RIN2: variants seen among roughly 807,000 people sequenced by gnomAD.
RIN2 encodes the protein RAB5 interacting protein 2.
In RIN2, 36 loss-of-function variants were observed where a neutral mutation model predicts 78.0. The ratio of observed to expected loss-of-function variants is 0.46; its 90% CI spans 0.35 to 0.61. The LOEUF is 0.61. RIN2 is among the 20% of genes least tolerant of loss of function. The probability of loss-of-function intolerance (pLI) is 0.00; values close to 1 mark genes in which losing one functional copy is unlikely to be tolerated. For missense variants in RIN2, 1,087 were observed against 1,159.7 expected (o/e 0.94, Z 0.91); for synonymous variants, 466 against 466.8 (o/e 1.00, Z 0.02).
intron 2 of RIN2, among the ~76,000 whole-genome samples, chr20:19,844,694 CTTCCTCTTCTTCTTCTTCTTCTTCTT>C (rs1318462155): frequency 1.1e-4 from 1 of 9,238 alleles, no homozygotes; most frequent in East Asian, 7.6e-3. Flanking sequence ...TCCTCTTCCT[CTTCCTCTTCTTCTTCTTCTTCTTCTT>C]CTTCTTCTTC....
intron 2 of RIN2, among the ~76,000 whole-genome samples, chr20:19,845,287 T>C (rs1600600343): frequency 2.0e-5 from 3 of 151,868 alleles, no homozygotes; most frequent in African/African-American, 7.2e-5. Flanking sequence ...TTTCTAGTTC[T>C]AGATCCTTGA....
chr20:19,958,804 G>T lies in RIN2; in HGVS notation c.352-1896G>T, dbSNP rs183368234. Among the ~76,000 whole-genome samples the T allele has an allele frequency of 2.2e-3, 338 of 152,338 alleles. 2 individuals carry two copies. The highest frequency in any genetic ancestry group is 6.9e-3 in the Admixed American group (105 of 15,302). On this transcript the variant is annotated intron_variant, in intron 5 of 12. Coordinates refer to ENST00000255006, the MANE Select transcript of RIN2 (RefSeq NM_018993.4). ...GAATTGCTTGAACCCAGGAGGTGGA[G>T]GTTGCAGTGAGCTGAGATTGCACCA... is the stretch of plus-strand genomic sequence containing the variant.
intron 4 of RIN2, among the ~76,000 whole-genome samples, chr20:19,944,093 C>G (rs16981353): frequency 0.039 from 5,529 of 141,982 alleles, 177 homozygotes; most frequent in South Asian, 0.17. Flanking sequence ...ATATCAACTT[C>G]TATGTATTTT....
chr20:19,945,615 G>T (rs1478807136), intron 4 of RIN2, among the ~76,000 whole-genome samples: 1 of 152,118 alleles, frequency 6.6e-6, no homozygotes, highest in Non-Finnish European at 1.5e-5. Flanking sequence ...TCTGGTATTG[G>T]TGGGCATAGA....
At chr20:19,853,391 T>C (rs990885348) in intron 2 of RIN2, among the ~76,000 whole-genome samples, 7 of 152,290 alleles carry the variant, frequency 4.6e-5, no homozygotes, top group South Asian at 4.1e-4. Context: ...CCTTTGGGTA[T>C]ATACCCAGTA....
At chr20:19,955,721 T>A (rs2041504602) in intron 4 of RIN2, among the ~76,000 whole-genome samples, 1 of 152,214 alleles carries the variant, frequency 6.6e-6, no homozygotes, top group African/African-American at 2.4e-5. Flanking sequence ...GACATGATTT[T>A]ACGAATAGCA....
rs552155421 is a variant in RIN2 at position 19,975,342 on chromosome 20, C to T, written c.1317C>T (p.Ser439=). ...ACATGAGCATTTCTACTTCCTCCTC[C>T]GACTCGCTGGAGTTCGACCGGAGCA... ...LSDMSISTSS[S]DSLEFDRSMP... Residue 439 remains serine, a synonymous_variant, in exon 9 of 13, where the codon TCC becomes TCT. Transcript: ENST00000255006. This position sits in a 1 kb window ranked among gnomAD's most constrained non-coding sequence, Gnocchi z 4.9. 78 of 1,612,662 alleles carry T rather than the reference C, an allele frequency of 4.8e-5. 1 individual carries two copies. In the South Asian group the frequency reaches 8.0e-4, roughly 17 times the overall value.
chr20:19,943,367 T>A (rs560232652), intron 4 of RIN2, among the ~76,000 whole-genome samples: 1 of 152,294 alleles, frequency 6.6e-6, no homozygotes, highest in Admixed American at 6.5e-5. Context: ...CATTTCTGTG[T>A]CCTCTTCTGC....
chr20:19,924,713 CCTCTTTTTTTTTTTTT>C (rs2040149640), intron 3 of RIN2, among the ~76,000 whole-genome samples: 1 of 34,460 alleles, frequency 2.9e-5, no homozygotes, highest in African/African-American at 1.4e-4. Flanking sequence ...CATATCCCCA[CCTCTTTTTTTTTTTTT>C]TTTTTTTTTT....
chr20:19,851,021 GGAAGGAA>G (rs2036946756), intron 2 of RIN2, among the ~76,000 whole-genome samples: 3 of 117,334 alleles, frequency 2.6e-5, no homozygotes, highest in Admixed American at 2.6e-4. Context: ...AAGGAAGGAA[GGAAGGAA>G]GGAAGGAAGG....
intron 3 of RIN2, among the ~76,000 whole-genome samples, chr20:19,890,412 T>C (rs2038394453): frequency 2.0e-5 from 3 of 152,202 alleles, no homozygotes; most frequent in East Asian, 3.9e-4. Flanking sequence ...ATCCTCAGTA[T>C]AGAAAATTTT....
At chr20:19,907,942 G>A (rs1266773215) in intron 3 of RIN2, among the ~76,000 whole-genome samples, 1 of 152,192 alleles carries the variant, frequency 6.6e-6, no homozygotes, top group Non-Finnish European at 1.5e-5. Context: ...TAAGACGATG[G>A]AGGATTAAGT....
In RIN2 at chr20:19,996,818, C is replaced by T; in HGVS notation, c.2340C>T (p.Thr780=). 6.2e-7 allele frequency: 1 copy of T among 1,602,152 alleles called. No individual in the cohort carries two copies. Among genetic ancestry groups the T allele is most frequent in the South Asian group, 1.1e-5 (1 of 89,230 alleles). Residue 780 remains threonine, a synonymous_variant, in exon 12 of 13, where the codon ACC becomes ACT. Transcript: ENST00000255006. ...ACAAACGGAGAACCACCAACCGGAC[C>T]ATCCCCTCTGTGGACGACTTCCAGG... ...QWHKRRTTNR[T]IPSVDDFQNY... is the part of the protein sequence containing the mutation.
intron 2 of RIN2, among the ~76,000 whole-genome samples, chr20:19,848,534 CAAA>C (rs11352724): frequency 1.1e-4 from 6 of 52,826 alleles, no homozygotes; most frequent in Admixed American, 2.2e-4. Flanking sequence ...GACTCCATCT[CAAA>C]AAAAAAAAAA....
At chr20:19,829,914 C>T (rs1378051842) in intron 2 of RIN2, among the ~76,000 whole-genome samples, 1 of 152,252 alleles carries the variant, frequency 6.6e-6, no homozygotes, top group Non-Finnish European at 1.5e-5. Flanking sequence ...CCAACAAAGC[C>T]TTGTGGGAGC....
intron 8 of RIN2, among the ~76,000 whole-genome samples, chr20:19,974,044 A>C (rs752933379): frequency 1.3e-5 from 2 of 152,202 alleles, no homozygotes; most frequent in Non-Finnish European, 2.9e-5. Context: ...CCTGCACTGC[A>C]CATTAAGCTT....
chr20:19,819,722 T>C (rs1355920163), intron 2 of RIN2, among the ~76,000 whole-genome samples: 1 of 152,134 alleles, frequency 6.6e-6, no homozygotes, highest in Non-Finnish European at 1.5e-5. Context: ...TTTGTAGAGA[T>C]GGGGTCTCAC....
Position 19,996,697 on chromosome 20 carries a change from G to A in RIN2, c.2219G>A (p.Ser740Asn). 1 of 1,614,028 alleles carries A rather than the reference G, an allele frequency of 6.2e-7. No homozygotes were observed. The highest frequency in any genetic ancestry group is 8.5e-7 in the Non-Finnish European group (1 of 1,179,900). The change falls in exon 12 of 13, where the codon AGC becomes AAC. Residue 740 changes from serine (S) to asparagine (N), a missense_variant. Physicochemically the swap from Ser to Asn is conservative, Grantham distance 46. Around this residue, in one of 8 missense-constraint regions of RIN2, gnomAD observed 45 missense variants for 88.1 expected, o/e 0.51. Transcript: ENST00000255006. Reference protein sequence around the residue: ...LHGEGGYYLTSAYGALSLIKN... With the variant: ...LHGEGGYYLTNAYGALSLIKN... The stretch of plus-strand genomic sequence containing the variant: ...TTTTCAGGAGGCTATTACTTGACAA[G>A]CGCATATGGAGCACTTTCTCTGATA...
chr20:19,777,990 T>C (rs2034370862), intron 1 of RIN2, among the ~76,000 whole-genome samples: 1 of 152,254 alleles, frequency 6.6e-6, no homozygotes, highest in Non-Finnish European at 1.5e-5. Flanking sequence ...AGGCTAACGA[T>C]GCTACAGAAG....
Sources: gnomAD v4.1 joint callset for allele counts (sites outside exome capture counted in the v4.1 genomes callset) on GRCh38, gnomAD v4.1.1 for gene constraint, gnomAD v4.1.1 regional missense constraint, Gnocchi (gnomAD v3.1) non-coding constraint, MANE v1.5 for transcripts, NCBI Gene and HGNC (gene_info 2026-07-23, HGNC 2026-07-21) for gene names.